OR4K1: variants seen among roughly 807,000 people sequenced by gnomAD.
OR4K1 encodes the protein olfactory receptor 4K1.
OR4K1 carries 16 observed loss-of-function variants against 14.4 expected under a neutral mutation model. That is an observed-to-expected ratio of 1.11 (90% CI 0.75 to 1.68). The LOEUF (loss-of-function observed/expected upper bound fraction) is 1.68, where lower values mean the gene tolerates loss of function less well. Among genes scored for constraint, OR4K1 ranks in the 40% most tolerant of loss-of-function variants. The pLI, the probability that OR4K1 is intolerant of heterozygous loss-of-function variation, is 0.00. For missense variants in OR4K1, 548 were observed against 376.9 expected, an observed-to-expected ratio of 1.45 and a Z score of -3.76; for synonymous variants, 181 against 133.1, an observed-to-expected ratio of 1.36 and a Z score of -2.48.
At chr14:19,920,548 A>T in the OR4K1 span, 1 of 1,511,596 alleles carries the variant, frequency 6.6e-7, no homozygotes, top group Non-Finnish European at 8.9e-7. Context: ...TCAAATTCTG[A>T]TTCCTTTCTA....
chr14:19,934,832 G>A (rs1209641523), intron 1 of OR4K1, among the ~76,000 whole-genome samples: 13 of 152,074 alleles, frequency 8.5e-5, no homozygotes, highest in South Asian at 4.1e-4. Context: ...CACCACGCCC[G>A]GCTAATTTTT....
intron 1 of OR4K1, among the ~76,000 whole-genome samples, chr14:19,932,615 T>C (rs1409965265): frequency 6.6e-6 from 1 of 152,236 alleles, no homozygotes; most frequent in Non-Finnish European, 1.5e-5. Context: ...ACTCATAAGA[T>C]TTAGCTTTGT....
At chr14:19,921,987 A>G in the OR4K1 span, among the ~76,000 whole-genome samples, 1 of 152,224 alleles carries the variant, frequency 6.6e-6, no homozygotes, top group Non-Finnish European at 1.5e-5. Context: ...CTGAAACTGA[A>G]TTTTGCCAAC....
rs1882284366 is a variant in OR4K1 at position 19,935,510 on chromosome 14, A to G, written c.-19-138A>G. On this transcript the variant is annotated intron_variant, in intron 1 of 1. Coordinates refer to ENST00000641172, the MANE Select transcript of OR4K1 (RefSeq NM_001004063.3). ...GATGTTAAATATTAGTCAACTGAGTATTTACATACGTAAATATATGTAACC... is the reference window on the plus strand; with the variant it reads ...GATGTTAAATATTAGTCAACTGAGTGTTTACATACGTAAATATATGTAACC... The G allele has an allele frequency of 1.9e-5, 13 of 693,692 alleles. No homozygotes were observed. The South Asian group carries it at 2.8e-4, about 15-fold the overall frequency. The allele number at this position is 693,692 out of a possible 1,614,324, so 43.0% of individuals were successfully genotyped here. A position where few individuals can be genotyped will look rare whatever the true frequency, so the allele number is the denominator to read the frequency against.
At chr14:19,934,644 A>G (rs1407681846) in intron 1 of OR4K1, among the ~76,000 whole-genome samples, 1 of 151,958 alleles carries the variant, frequency 6.6e-6, no homozygotes, top group Non-Finnish European at 1.5e-5. Context: ...AATTGTTTCT[A>G]TCATTTTCTT....
At position 19,936,143 on chromosome 14, in the gene OR4K1, C is replaced by T. The variant is rs2138598873; in HGVS notation, c.477C>T (p.His159=). Residue 159 remains histidine (H), a synonymous_variant, in exon 2 of 2, where the codon CAC becomes CAT. Coordinates refer to ENST00000641172, the MANE Select transcript of OR4K1 (RefSeq NM_001004063.3). ...TGGGCGTTCTTCATTCTGTGAGCCACTTGGCTTTTACAGTGGACCTGCCAT... is the reference window on the plus strand; with the variant it reads ...TGGGCGTTCTTCATTCTGTGAGCCATTTGGCTTTTACAGTGGACCTGCCAT... ...WAVGVLHSVS[H]LAFTVDLPFC... 1 of 1,614,244 alleles carries T rather than the reference C, an allele frequency of 6.2e-7. No individual in the cohort carries two copies. Among genetic ancestry groups the T allele is most frequent in the South Asian group, 1.1e-5 (1 of 91,086 alleles).
upstream of OR4K1, among the ~76,000 whole-genome samples, chr14:19,926,324 C>G (rs1882063209): frequency 6.6e-6 from 1 of 152,208 alleles, no homozygotes; most frequent in Non-Finnish European, 1.5e-5. Flanking sequence ...CTTTTTCAAA[C>G]TCTTTTACTC....
rs139885856 is a variant in OR4K1, at chr14:19,936,442, T to C, written c.776T>C (p.Ile259Thr). The C allele has an allele frequency of 4.3e-6, 7 of 1,614,154 alleles. No homozygotes were observed. The East Asian group carries it at 1.1e-4, about 26-fold the overall frequency. Reference sequence around the variant, plus strand: ...TTCGGGCCTTGCATTTATTTCTATATATGGCCTTTTAGCAGACTTCCTGTG... The same window carrying C: ...TTCGGGCCTTGCATTTATTTCTATACATGGCCTTTTAGCAGACTTCCTGTG... Reference protein sequence around the residue: ...LFFGPCIYFYIWPFSRLPVDK... With the variant: ...LFFGPCIYFYTWPFSRLPVDK... Residue 259 changes from isoleucine (I) to threonine (T), a missense_variant, in exon 2 of 2, where the codon ATA becomes ACA. By Grantham distance (89) the Ile-to-Thr change is moderately conservative. Transcript: ENST00000641172.
chr14:19,932,836 G>A (rs1882215336), intron 1 of OR4K1, among the ~76,000 whole-genome samples: 1 of 152,034 alleles, frequency 6.6e-6, no homozygotes, highest in African/African-American at 2.4e-5. Flanking sequence ...TTAGGGGACT[G>A]CTTAAAACAT....
At chr14:19,920,773 A>G in the OR4K1 span, 2 of 1,613,882 alleles carry the variant, frequency 1.2e-6, no homozygotes, top group East Asian at 2.2e-5. Context: ...ACCAGCCTGC[A>G]CTCCCCTATG....
At chr14:19,921,671 G>A in the OR4K1 span, 2 of 1,285,576 alleles carry the variant, frequency 1.6e-6, no homozygotes. Context: ...AAGTAGTGAA[G>A]AAGATAATAT....
At chr14:19,920,362 AG>A in the OR4K1 span, among the ~76,000 whole-genome samples, 412 of 152,296 alleles carry the variant, frequency 2.7e-3, 1 homozygote, top group African/African-American at 9.4e-3. Context: ...CAAAAACTCA[AG>A]GGGTTCTAAT....
At chr14:19,933,374 A>G (rs947357467) in intron 1 of OR4K1, among the ~76,000 whole-genome samples, 8 of 152,156 alleles carry the variant, frequency 5.3e-5, no homozygotes, top group Non-Finnish European at 8.8e-5. Context: ...ATTCATAACT[A>G]TAGCTCTTTA....
Position 19,935,706 on chromosome 14 carries a change from CTT to C in OR4K1, c.43_44del (p.Leu15GlyfsTer4). The C allele has an allele frequency of 6.2e-7, 1 of 1,612,226 alleles. No individual in the cohort carries two copies. Among genetic ancestry groups the C allele is most frequent in the Non-Finnish European group, 8.5e-7 (1 of 1,179,600 alleles). ...TNESMVSEFV[L>X]LGLSNSWGLQ... ...TGAATCGATGGTGTCTGAGTTTGTA[CTT>C]TTGGGACTCTCTAATTCCTGGGGAC... On this transcript the variant is annotated frameshift_variant, in exon 2 of 2. Transcript: ENST00000641172. LOFTEE classifies it high-confidence loss of function.
chr14:19,920,440 C>T, the OR4K1 span: 1 of 723,548 alleles, frequency 1.4e-6, no homozygotes. Flanking sequence ...ATCCACCTAT[C>T]CAGACATACT....
At chr14:19,923,443 A>G in the OR4K1 span, among the ~76,000 whole-genome samples, 1 of 152,216 alleles carries the variant, frequency 6.6e-6, no homozygotes, top group Non-Finnish European at 1.5e-5. Flanking sequence ...TTAAAATATT[A>G]TTTCAGGATT....
chr14:19,924,498 C>T, the OR4K1 span, among the ~76,000 whole-genome samples: 1 of 151,300 alleles, frequency 6.6e-6, no homozygotes, highest in Non-Finnish European at 1.5e-5. Context: ...TAATAATCGC[C>T]ATCCTGACTG....
the OR4K1 span, chr14:19,920,568 C>A: frequency 6.4e-7 from 1 of 1,560,316 alleles, no homozygotes. Flanking sequence ...ATTTATCCTC[C>A]TTTAGAGTTG....
At chr14:19,923,219 G>T in the OR4K1 span, among the ~76,000 whole-genome samples, 11 of 152,282 alleles carry the variant, frequency 7.2e-5, no homozygotes, top group Admixed American at 5.2e-4. Context: ...TTCAGCTTCA[G>T]TGTATGTATG....
Sources: gnomAD v4.1 joint callset for allele counts (sites outside exome capture counted in the v4.1 genomes callset) on GRCh38, gnomAD v4.1.1 for gene constraint, MANE v1.5 for transcripts, NCBI Gene and HGNC (gene_info 2026-07-23, HGNC 2026-07-21) for gene names.